Variants in ASIC2 observed in about 807,000 individuals in gnomAD.
ASIC2 encodes the protein acid-sensing ion channel 2.
In ASIC2, 25 loss-of-function variants were observed where a neutral mutation model predicts 57.3. That is an observed-to-expected ratio of 0.44 (90% CI 0.32 to 0.61). The LOEUF is 0.61. Among genes scored for constraint, ASIC2 ranks in the 20% least tolerant of loss-of-function variants. ASIC2 has a pLI of 0.06. For missense variants in ASIC2, 641 were observed against 738.1 expected (o/e 0.87, Z 1.52); for synonymous variants, 319 against 307.5 (o/e 1.04, Z -0.39).
At chr17:33,904,163 C>CAAAAAAAAAA (rs769795292) in intron 1 of ASIC2, among the ~76,000 whole-genome samples, 2 of 55,852 alleles carry the variant, frequency 3.6e-5, no homozygotes, top group Admixed American at 2.7e-4. Context: ...AACTCCGTCT[C>CAAAAAAAAAA]AAAAAAAAAA....
In ASIC2 at chr17:33,436,827, C is replaced by G. The variant is rs1030003806; in HGVS notation, c.556-324760G>C. Among the ~76,000 whole-genome samples the G allele has an allele frequency of 1.7e-4, 25 of 145,012 alleles. 1 individual carries two copies. Among genetic ancestry groups the G allele is most frequent in the Admixed American group, 1.4e-4 (2 of 14,388 alleles). On this transcript the variant is annotated intron_variant, in intron 1 of 9. Coordinates refer to the ASIC2 transcript ENST00000359872. ...ACAATAGCAACCTATAAGGAACATG[C>G]AATGCCTTAAAACACATTCCAACTT...
intron 1 of ASIC2, among the ~76,000 whole-genome samples, chr17:33,232,971 C>T (rs1361142775): frequency 2.6e-5 from 4 of 152,050 alleles, no homozygotes; most frequent in Non-Finnish European, 4.4e-5. Context: ...GCAATGTCCC[C>T]TAGAGGGAGT....
chr17:34,060,381 T>C (rs1179949074), intron 1 of ASIC2, among the ~76,000 whole-genome samples: 1 of 152,228 alleles, frequency 6.6e-6, no homozygotes, highest in Non-Finnish European at 1.5e-5. Flanking sequence ...TGACAGAGCC[T>C]ATCCAAATGA....
intron 1 of ASIC2, among the ~76,000 whole-genome samples, chr17:33,314,337 C>T (rs913258561): frequency 6.6e-6 from 1 of 152,210 alleles, no homozygotes; most frequent in African/African-American, 2.4e-5. Context: ...TCCCTAAGTG[C>T]TATTATCTAA....
At chr17:33,651,093 G>A (rs1019288014) in intron 1 of ASIC2, among the ~76,000 whole-genome samples, 1 of 150,478 alleles carries the variant, frequency 6.6e-6, no homozygotes, top group Non-Finnish European at 1.5e-5. Context: ...AATTAAAGAA[G>A]AACAAAAACT....
At chr17:34,111,400 T>C (rs1000776007) in intron 1 of ASIC2, among the ~76,000 whole-genome samples, 11 of 151,536 alleles carry the variant, frequency 7.3e-5, no homozygotes, top group Non-Finnish European at 1.3e-4. Flanking sequence ...CTTTTATACA[T>C]GGCTTGTGAC....
At chr17:33,470,011 AATGCATAAT>A (rs750020803) in intron 1 of ASIC2, among the ~76,000 whole-genome samples, 2,734 of 146,888 alleles carry the variant, frequency 0.019, 30 homozygotes, top group Middle Eastern at 0.057. Flanking sequence ...AACCAGTAAT[AATGCATAAT>A]ACAAAGCAGA....
At chr17:33,607,489 C>G (rs1905259735) in intron 1 of ASIC2, among the ~76,000 whole-genome samples, 1 of 152,104 alleles carries the variant, frequency 6.6e-6, no homozygotes, top group Non-Finnish European at 1.5e-5. Flanking sequence ...ATCCGGCAGT[C>G]CCTAGAGGAC....
At chr17:33,809,042 C>T (rs892591463) in intron 1 of ASIC2, among the ~76,000 whole-genome samples, 9 of 152,200 alleles carry the variant, frequency 5.9e-5, no homozygotes, top group African/African-American at 1.2e-4. Context: ...TGAAAAGTTA[C>T]GTTCTCTGCT....
At position 33,606,187 on chromosome 17, in the gene ASIC2, A is replaced by G. The variant is rs560299086; in HGVS notation, c.556-494120T>C. On this transcript the variant is annotated intron_variant, in intron 1 of 9. Transcript: ENST00000359872. ...CGGACCCAGGGGCCAGCTTGGAAGCAGAGCTGATTTGGCCGACAGAAAGGA... is the reference window on the plus strand; with the variant it reads ...CGGACCCAGGGGCCAGCTTGGAAGCGGAGCTGATTTGGCCGACAGAAAGGA... Among the ~76,000 whole-genome samples the G allele has an allele frequency of 9.8e-5, 15 of 152,316 alleles. No individual in the cohort carries two copies. The South Asian group carries it at 3.1e-3, about 32-fold the overall frequency.
chr17:33,673,094 C>A (rs542106763), intron 1 of ASIC2, among the ~76,000 whole-genome samples: 12 of 152,246 alleles, frequency 7.9e-5, no homozygotes, highest in African/African-American at 2.4e-4. Flanking sequence ...TCAGGGGTGA[C>A]CTCATAGAGG....
chr17:33,570,540 AT>A (rs1820415781), intron 1 of ASIC2, among the ~76,000 whole-genome samples: 1 of 152,164 alleles, frequency 6.6e-6, no homozygotes, highest in Non-Finnish European at 1.5e-5. Context: ...CCCAAATTTG[AT>A]GAGCATTTTC....
intron 1 of ASIC2, among the ~76,000 whole-genome samples, chr17:33,449,818 G>A (rs958880298): frequency 2.7e-5 from 4 of 150,906 alleles, no homozygotes; most frequent in East Asian, 1.9e-4. Flanking sequence ...TCTGTCATCC[G>A]GGCTGAAGTG....
intron 1 of ASIC2, among the ~76,000 whole-genome samples, chr17:33,662,659 AT>A (rs750308520): frequency 0.11 from 16,566 of 145,558 alleles, 1,132 homozygotes; most frequent in African/African-American, 0.13. Flanking sequence ...AAATAAATAA[AT>A]AAATAAATAA....
rs751122738 is a variant in ASIC2, at chr17:33,015,972, A to G, written c.1589T>C (p.Val530Ala). 8.7e-6 allele frequency: 14 copies of G among 1,614,040 alleles called. No individual in the cohort carries two copies. In the South Asian group the frequency reaches 1.3e-4, roughly 15 times the overall value. ...EEDEGSHDEN[V>A]STCDTMPNHS... Reference sequence around the variant, plus strand: ...TTCCAATCAGTGAGCTGCTCTTACCACATTCTCATCGTGGCTCCCTTCGTC... The same window carrying G: ...TTCCAATCAGTGAGCTGCTCTTACCGCATTCTCATCGTGGCTCCCTTCGTC... The change falls in exon 9 of 10, where the codon GTG (valine) becomes GCG (alanine). Residue 530 changes from valine (V) to alanine (A), a missense_variant and splice_region_variant. Val to Ala is a moderately conservative substitution (Grantham distance 64, BLOSUM62 0). Around this residue, in one of 3 missense-constraint regions of ASIC2, gnomAD observed 252 missense variants for 319.8 expected, o/e 0.79. Transcript: ENST00000225823.
At chr17:33,403,412 T>C (rs1273134335) in intron 1 of ASIC2, among the ~76,000 whole-genome samples, 2 of 152,252 alleles carry the variant, frequency 1.3e-5, no homozygotes, top group African/African-American at 4.8e-5. Context: ...GTTGTCTAGC[T>C]GGGTTGAGCT....
chr17:33,239,908 C>T (rs957154274), intron 1 of ASIC2, among the ~76,000 whole-genome samples: 3 of 152,156 alleles, frequency 2.0e-5, no homozygotes, highest in African/African-American at 7.2e-5. Context: ...CCTGACTTCC[C>T]AAGACTAGGT....
intron 3 of ASIC2, among the ~76,000 whole-genome samples, chr17:33,048,884 A>G (rs1349134042): frequency 6.6e-6 from 1 of 152,146 alleles, no homozygotes; most frequent in Non-Finnish European, 1.5e-5. Flanking sequence ...GTCTGGTCCT[A>G]CGTATTATTT....
At chr17:34,061,843 C>T (rs1034576676) in intron 1 of ASIC2, among the ~76,000 whole-genome samples, 5 of 152,090 alleles carry the variant, frequency 3.3e-5, no homozygotes, top group East Asian at 1.9e-4. Context: ...TAAACATACA[C>T]GCATCTAACA....
Sources: gnomAD v4.1 joint callset for allele counts (sites outside exome capture counted in the v4.1 genomes callset) on GRCh38, gnomAD v4.1.1 for gene constraint, gnomAD v4.1.1 regional missense constraint, MANE v1.5 for transcripts, NCBI Gene and HGNC (gene_info 2026-07-23, HGNC 2026-07-21) for gene names.